Variants in SGMS1 observed in about 807,000 individuals in gnomAD.
SGMS1 encodes the protein phosphatidylcholine:ceramide cholinephosphotransferase 1.
In SGMS1, 13 loss-of-function variants were observed where a neutral mutation model predicts 46.2. The ratio of observed to expected loss-of-function variants is 0.28; its 90% confidence interval spans 0.18 to 0.45. The LOEUF (loss-of-function observed/expected upper bound fraction) is 0.45. SGMS1 is among the 20% of genes least tolerant of loss of function. SGMS1 has a pLI of 1.00. For synonymous variants in SGMS1, 203 were observed against 187.8 expected (o/e 1.08, Z -0.66); for missense variants, 324 against 519.9 (o/e 0.62, Z 3.66).
intron 2 of SGMS1, among the ~76,000 whole-genome samples, chr10:50,528,029 A>T (rs1383705907): frequency 6.6e-6 from 1 of 152,216 alleles, no homozygotes; most frequent in African/African-American, 2.4e-5. Flanking sequence ...AAATAAAATA[A>T]TAAAAATACT....
At chr10:50,400,237 A>G (rs1178363792) in intron 6 of SGMS1, among the ~76,000 whole-genome samples, 1 of 151,650 alleles carries the variant, frequency 6.6e-6, no homozygotes, top group Non-Finnish European at 1.5e-5. Context: ...TTTAAAACCT[A>G]GCTCTTCTGT....
intron 6 of SGMS1, among the ~76,000 whole-genome samples, chr10:50,403,462 G>A (rs904704444): frequency 6.6e-6 from 1 of 152,122 alleles, no homozygotes; most frequent in African/African-American, 2.4e-5. Flanking sequence ...GTGTTCCAAA[G>A]TGAATCTTCA....
intron 1 of SGMS1, among the ~76,000 whole-genome samples, chr10:50,600,733 A>T (rs1838642189): frequency 6.6e-6 from 1 of 152,196 alleles, no homozygotes; most frequent in Non-Finnish European, 1.5e-5. Flanking sequence ...AACCTTTTTG[A>T]GAGTCTTCTA....
At chr10:50,435,711 C>G (rs939198582) in intron 5 of SGMS1, among the ~76,000 whole-genome samples, 1 of 152,196 alleles carries the variant, frequency 6.6e-6, no homozygotes, top group Non-Finnish European at 1.5e-5. Context: ...CACCACATCA[C>G]AGACTCATAA....
rs1589412982 is a variant in SGMS1, at chr10:50,374,293, C to T, written c.-231-29948G>A. Among the ~76,000 whole-genome samples, 3 of 152,192 alleles carry T rather than the reference C, an allele frequency of 2.0e-5. No individual in the cohort carries two copies. In the East Asian group the frequency reaches 5.8e-4, roughly 29 times the overall value. ...GGTTAAAACGTCCAAAACCAAATTC[C>T]TGCTCTTCTCCTCCAAGCCAACTCC... On this transcript the variant is annotated intron_variant, in intron 6 of 10. Transcript: ENST00000361781.
At chr10:50,324,593 G>C (rs1341853152) in intron 8 of SGMS1, among the ~76,000 whole-genome samples, 2 of 152,158 alleles carry the variant, frequency 1.3e-5, no homozygotes, top group Non-Finnish European at 2.9e-5. Flanking sequence ...AATTTCTTAA[G>C]CTTGATCTGC....
intron 3 of SGMS1, among the ~76,000 whole-genome samples, chr10:50,499,849 C>T (rs1837646408): frequency 6.6e-6 from 1 of 152,178 alleles, no homozygotes; most frequent in South Asian, 2.1e-4. Flanking sequence ...ATGGCTTAGG[C>T]TAAATTCACA....
intron 9 of SGMS1, among the ~76,000 whole-genome samples, chr10:50,309,708 T>A (rs555576997): frequency 2.0e-5 from 3 of 152,276 alleles, no homozygotes; most frequent in Admixed American, 2.0e-4. Flanking sequence ...CACTGGAACA[T>A]CTATTCTCCC....
chr10:50,462,212 A>C (rs1428182343), intron 4 of SGMS1, among the ~76,000 whole-genome samples: 1 of 152,140 alleles, frequency 6.6e-6, no homozygotes, highest in Non-Finnish European at 1.5e-5. Flanking sequence ...CAGTGAGCTG[A>C]TTGTGTCACT....
intron 1 of SGMS1, among the ~76,000 whole-genome samples, chr10:50,612,524 T>C (rs1229572406): frequency 6.6e-6 from 1 of 152,106 alleles, no homozygotes; most frequent in Non-Finnish European, 1.5e-5. Flanking sequence ...CTGGAACCAC[T>C]GAAAACACAA....
chr10:50,576,296 A>G (rs764528851), intron 2 of SGMS1, among the ~76,000 whole-genome samples: 2 of 152,192 alleles, frequency 1.3e-5, no homozygotes, highest in African/African-American at 4.8e-5. Context: ...AGAGAATGTC[A>G]TAACTGTGAC....
intron 2 of SGMS1, among the ~76,000 whole-genome samples, chr10:50,544,108 G>A (rs748573400): frequency 6.6e-6 from 1 of 152,200 alleles, no homozygotes; most frequent in Non-Finnish European, 1.5e-5. Flanking sequence ...CACACATGCT[G>A]ACATAGCTTA....
At chr10:50,612,601 G>T (rs951484959) in intron 1 of SGMS1, among the ~76,000 whole-genome samples, 1 of 152,128 alleles carries the variant, frequency 6.6e-6, no homozygotes, top group African/African-American at 2.4e-5. Context: ...GTTTTTAATA[G>T]AGTCTTTCTT....
rs538312544 is a variant in SGMS1, at chr10:50,334,781, G to A, written c.624-7459C>T. On this transcript the variant is annotated intron_variant, in intron 7 of 10. Coordinates refer to ENST00000361781, the MANE Select transcript of SGMS1 (RefSeq NM_147156.4). ...GTGGTGCCTGTGTTCTAGTGAAAGA[G>A]GCAGACAATACACAGGTAAAGAAAT... 3 of 152,306 alleles carry A rather than the reference G, an allele frequency of 2.0e-5. No homozygotes were observed. The South Asian group carries it at 6.2e-4, about 32-fold the overall frequency. The allele number at this position is 152,306 out of a possible 1,614,324, so 9.4% of individuals were successfully genotyped here.
At chr10:50,377,582 T>C (rs1848538181) in intron 6 of SGMS1, among the ~76,000 whole-genome samples, 1 of 152,206 alleles carries the variant, frequency 6.6e-6, no homozygotes, top group South Asian at 2.1e-4. Flanking sequence ...TCTCAGCTAA[T>C]GAGATTTTGG....
intron 2 of SGMS1, among the ~76,000 whole-genome samples, chr10:50,558,585 T>C (rs968933000): frequency 2.6e-5 from 4 of 152,172 alleles, no homozygotes; most frequent in African/African-American, 9.7e-5. Flanking sequence ...GAACCAAATG[T>C]CCATGCTTTC....
chr10:50,589,756 G>T (rs1178868541), intron 2 of SGMS1, among the ~76,000 whole-genome samples: 5 of 152,210 alleles, frequency 3.3e-5, no homozygotes, highest in Non-Finnish European at 5.9e-5. Flanking sequence ...ACAGGTGTAA[G>T]CCAGCACGCC....
intron 2 of SGMS1, among the ~76,000 whole-genome samples, chr10:50,532,339 A>C (rs934600647): frequency 4.0e-5 from 6 of 150,878 alleles, no homozygotes; most frequent in Non-Finnish European, 8.8e-5. Flanking sequence ...TGCTAGGATA[A>C]GCTCTCTCAT....
chr10:50,330,358 G>A (rs1452629695), intron 7 of SGMS1, among the ~76,000 whole-genome samples: 2 of 152,072 alleles, frequency 1.3e-5, no homozygotes, highest in African/African-American at 4.8e-5. Flanking sequence ...GGTGGCATGC[G>A]CCTGTAGTTC....
Sources: allele counts gnomAD v4.1 joint callset (sites outside exome capture counted in the v4.1 genomes callset), GRCh38; gene constraint gnomAD v4.1.1; transcripts MANE v1.5; gene names NCBI Gene and HGNC (gene_info 2026-07-23, HGNC 2026-07-21).